Variants in MOCOS observed in about 807,000 individuals in gnomAD.
MOCOS encodes the protein molybdenum cofactor sulfurase.
A neutral mutation model predicts 83.6 loss-of-function variants in MOCOS; 86 were observed. The ratio of observed to expected loss-of-function variants is 1.03; its 90% CI spans 0.86 to 1.23. MOCOS has a LOEUF of 1.23. Among genes scored for constraint, MOCOS ranks in the 50% most tolerant of loss-of-function variants. MOCOS has a pLI of 0.00. For missense variants in MOCOS, 1,120 were observed against 1,126.9 expected (o/e 0.99, Z 0.09); for synonymous variants, 445 against 434.7 (o/e 1.02, Z -0.29).
chr18:36,222,696 G>A (rs1443563731), intron 9 of MOCOS, among the ~76,000 whole-genome samples: 1 of 151,580 alleles, frequency 6.6e-6, no homozygotes, highest in Non-Finnish European at 1.5e-5. Context: ...CTGCCTTCCA[G>A]GTTCACGCCA....
At chr18:36,239,404 G>A (rs1400599523) in intron 9 of MOCOS, among the ~76,000 whole-genome samples, 1 of 146,338 alleles carries the variant, frequency 6.8e-6, no homozygotes, top group Non-Finnish European at 1.5e-5. Flanking sequence ...AGCTTAGTTT[G>A]GCTGGATATG....
intron 9 of MOCOS, among the ~76,000 whole-genome samples, chr18:36,223,978 T>G (rs962360636): frequency 6.6e-6 from 1 of 152,136 alleles, no homozygotes; most frequent in African/African-American, 2.4e-5. Context: ...ACAACAGGCA[T>G]GTGCCACCAT....
At chr18:36,191,638 T>A (rs2091366570) in intron 1 of MOCOS, among the ~76,000 whole-genome samples, 1 of 152,206 alleles carries the variant, frequency 6.6e-6, no homozygotes, top group African/African-American at 2.4e-5. Context: ...GGGTCTCACA[T>A]GTTGCTTATG....
At chr18:36,219,664 G>C (rs1034213856) in intron 8 of MOCOS, among the ~76,000 whole-genome samples, 6 of 152,162 alleles carry the variant, frequency 3.9e-5, no homozygotes, top group African/African-American at 1.4e-4. Context: ...GGGCGACAGA[G>C]CAAGACTCCA....
chr18:36,188,649 C>G (rs1417259102), intron 1 of MOCOS, among the ~76,000 whole-genome samples: 2 of 152,212 alleles, frequency 1.3e-5, no homozygotes, highest in African/African-American at 4.8e-5. Flanking sequence ...CTTCTGGGGG[C>G]AGAACAGCAA....
chr18:36,196,700 C>A (rs1361636167), intron 2 of MOCOS, among the ~76,000 whole-genome samples: 1 of 151,854 alleles, frequency 6.6e-6, no homozygotes, highest in African/African-American at 2.4e-5. Context: ...AGAGCCATAA[C>A]CGTGGGAAAG....
intron 8 of MOCOS, among the ~76,000 whole-genome samples, chr18:36,217,240 G>C (rs1468039949): frequency 6.6e-6 from 1 of 152,146 alleles, no homozygotes; most frequent in East Asian, 1.9e-4. Flanking sequence ...TTATGGGGAT[G>C]ATGAGACATT....
chr18:36,224,466 T>C (rs1015766102), intron 9 of MOCOS, among the ~76,000 whole-genome samples: 1 of 152,200 alleles, frequency 6.6e-6, no homozygotes, highest in East Asian at 1.9e-4. Flanking sequence ...ACATGTTCTA[T>C]TCCTAGGTTA....
At chr18:36,235,837 G>A (rs12964268) in intron 9 of MOCOS, among the ~76,000 whole-genome samples, 78,948 of 139,846 alleles carry the variant, frequency 0.56, 23,351 homozygotes, top group African/African-American at 0.7. Context: ...CTGGTGTGAG[G>A]TGGTATCTCA....
At chr18:36,188,859 C>T (rs2091353837) in intron 1 of MOCOS, among the ~76,000 whole-genome samples, 1 of 151,974 alleles carries the variant, frequency 6.6e-6, no homozygotes, top group South Asian at 2.1e-4. Flanking sequence ...ATTCACTCCT[C>T]ATCCTTCCCT....
intron 7 of MOCOS, 132 bp downstream of exon 7, chr18:36,213,614 G>C: frequency 5.0e-6 from 4 of 792,824 alleles, no homozygotes; most frequent in Non-Finnish European, 8.6e-6. Context: ...ATGTACAAAG[G>C]AAAAGGAATA....
intron 14 of MOCOS, among the ~76,000 whole-genome samples, chr18:36,267,528 T>C (rs2091685755): frequency 6.6e-6 from 1 of 152,248 alleles, no homozygotes; most frequent in Non-Finnish European, 1.5e-5. Context: ...ATGTGCTACA[T>C]TGTTTCCTGT....
At chr18:36,257,324 C>T (rs1344414843) in intron 12 of MOCOS, among the ~76,000 whole-genome samples, 3 of 152,080 alleles carry the variant, frequency 2.0e-5, no homozygotes, top group African/African-American at 7.2e-5. Flanking sequence ...ATGGAGAACC[C>T]CTAGCTCTCA....
chr18:36,214,023 C>A (rs1310333446), intron 7 of MOCOS, among the ~76,000 whole-genome samples: 2 of 151,904 alleles, frequency 1.3e-5, no homozygotes, highest in African/African-American at 4.8e-5. Flanking sequence ...GGGCGAGTCA[C>A]CTGAGGTCAG....
rs979471157 is a variant in MOCOS at position 36,187,694 on chromosome 18, G to C, written c.142+13G>C. The C allele has an allele frequency of 1.1e-5, 14 of 1,264,866 alleles. No homozygotes were observed. The highest frequency in any genetic ancestry group is 3.0e-5 in the African/African-American group (2 of 65,838). 78.4% of individuals were successfully genotyped at this position (1,264,866 alleles called of 1,614,324 possible). ...AGCCGCCTGGCAGGTGAGGCGGGCG[G>C]GCAGGCTTGGGGGACACGAGGTTTC... On this transcript the variant is annotated intron_variant, in intron 1 of 14. Coordinates refer to ENST00000261326, the MANE Select transcript of MOCOS (RefSeq NM_017947.4).
chr18:36,215,528 T>C lies in MOCOS; in HGVS notation c.1348T>C (p.Cys450Arg). ...VRKHFQAGHV[C>R]GDNMDLIDGQ... ...CCTCTTATCCTAGGCTGGTCATGTC[T>C]GTGGGGACAATATGGACCTCATAGA... Residue 450 changes from cysteine (C) to arginine (R), a missense_variant, in exon 8 of 15, where the codon TGT becomes CGT. By Grantham distance (180) the Cys-to-Arg change is radical. Coordinates refer to ENST00000261326, the MANE Select transcript of MOCOS (RefSeq NM_017947.4). 1 of 1,614,032 alleles carries C rather than the reference T, an allele frequency of 6.2e-7. No homozygotes were observed. Among genetic ancestry groups the C allele is most frequent in the East Asian group, 2.2e-5 (1 of 44,890 alleles).
At chr18:36,217,132 A>G (rs1255839760) in intron 8 of MOCOS, among the ~76,000 whole-genome samples, 3 of 152,188 alleles carry the variant, frequency 2.0e-5, no homozygotes, top group Non-Finnish European at 4.4e-5. Context: ...TCTATTGATT[A>G]GTTGTAATAT....
chr18:36,257,113 C>A (rs1568068770), intron 12 of MOCOS, 40 bp downstream of exon 12: 6 of 1,554,526 alleles, frequency 3.9e-6, no homozygotes, highest in Non-Finnish European at 4.4e-6. Flanking sequence ...CAAGCATAAC[C>A]ATTTGCCACT....
At chr18:36,194,470 A>G (rs890940031) in intron 1 of MOCOS, among the ~76,000 whole-genome samples, 4 of 152,202 alleles carry the variant, frequency 2.6e-5, no homozygotes, top group Admixed American at 1.3e-4. Flanking sequence ...GTTGTTTCCA[A>G]TCTTTTGCTA....
Sources: gnomAD v4.1 joint callset for allele counts (sites outside exome capture counted in the v4.1 genomes callset) on GRCh38, gnomAD v4.1.1 for gene constraint, MANE v1.5 for transcripts, NCBI Gene and HGNC (gene_info 2026-07-23, HGNC 2026-07-21) for gene names.